Variants in NRG2 observed in about 807,000 individuals in gnomAD.
The protein encoded by NRG2 is pro-neuregulin-2, membrane-bound isoform.
NRG2 carries 27 observed loss-of-function variants against 73.9 expected under a neutral mutation model. The ratio of observed to expected loss-of-function variants is 0.37; its 90% CI spans 0.27 to 0.50. NRG2 has a LOEUF of 0.50. NRG2 is among the 20% of genes least tolerant of loss of function. The pLI, the probability that NRG2 is intolerant of heterozygous loss-of-function variation, is 0.96. For missense variants in NRG2, 1,126 were observed against 1,210.1 expected (o/e 0.93, Z 1.03); for synonymous variants, 532 against 541.0 (o/e 0.98, Z 0.23).
chr5:139,995,712 C>G (rs1400621946), intron 1 of NRG2, among the ~76,000 whole-genome samples: 1 of 152,048 alleles, frequency 6.6e-6, no homozygotes, highest in African/African-American at 2.4e-5. Context: ...CATTCCAACT[C>G]TCTTATTGAA....
At chr5:139,929,279 A>C (rs550595057) in intron 1 of NRG2, among the ~76,000 whole-genome samples, 29 of 152,302 alleles carry the variant, frequency 1.9e-4, no homozygotes, top group African/African-American at 7.0e-4. Flanking sequence ...ACCTCATGCC[A>C]TATCTGCTAT....
intron 1 of NRG2, among the ~76,000 whole-genome samples, chr5:139,996,867 C>T (rs1434835886): frequency 6.6e-6 from 1 of 152,052 alleles, no homozygotes; most frequent in Non-Finnish European, 1.5e-5. Context: ...GACGTGGTGG[C>T]TCACGCCTAT....
At chr5:139,980,826 G>T (rs917207445) in intron 1 of NRG2, among the ~76,000 whole-genome samples, 2 of 152,150 alleles carry the variant, frequency 1.3e-5, no homozygotes, top group South Asian at 4.2e-4. Flanking sequence ...AGCTTGTCAG[G>T]CAACTCCCTT....
At chr5:139,987,308 C>T (rs987289424) in intron 1 of NRG2, among the ~76,000 whole-genome samples, 1 of 137,442 alleles carries the variant, frequency 7.3e-6, no homozygotes, top group Non-Finnish European at 1.5e-5. Flanking sequence ...GCGGAAGTTG[C>T]AGTGAGCTGA....
intron 1 of NRG2, among the ~76,000 whole-genome samples, chr5:139,917,438 G>A (rs1751341494): frequency 6.6e-6 from 1 of 152,094 alleles, no homozygotes; most frequent in African/African-American, 2.4e-5. Flanking sequence ...TTTTTGTAGA[G>A]ACAGGGTTTT....
In NRG2 at chr5:139,852,182, G is replaced by C. The variant is rs1034810073; in HGVS notation, c.1544+250C>G. Reference sequence around the variant, plus strand: ...CCCAGCCCCAGGGGCCAGTATGTGAGGGCCCTGACTATTTCCTGGTGCTCC... The same window carrying C: ...CCCAGCCCCAGGGGCCAGTATGTGACGGCCCTGACTATTTCCTGGTGCTCC... On this transcript the variant is annotated intron_variant, in intron 8 of 9. Coordinates refer to ENST00000361474, the MANE Select transcript of NRG2 (RefSeq NM_004883.3). This position sits in a 1 kb window ranked among gnomAD's most constrained non-coding sequence, Gnocchi z 4.4. Among the ~76,000 whole-genome samples the C allele has an allele frequency of 3.9e-5, 6 of 152,210 alleles. No homozygotes were observed. The highest frequency in any genetic ancestry group is 1.4e-4 in the African/African-American group (6 of 41,448).
rs998255560 is a variant in NRG2, at chr5:139,868,643, C to T, written c.1113-3018G>A. Among the ~76,000 whole-genome samples, 4 of 152,042 alleles carry T rather than the reference C, an allele frequency of 2.6e-5. No homozygotes were observed. Among genetic ancestry groups the T allele is most frequent in the African/African-American group, 4.8e-5 (2 of 41,402 alleles). ...GTCAGGACCTCTGCCTTCCCCTTTT[C>T]CCACCCCACCTCCCGGGCCTCAGTT... On this transcript the variant is annotated intron_variant, in intron 4 of 9. Transcript: ENST00000361474. The surrounding 1 kb of genome is among the most constrained non-coding windows in gnomAD (Gnocchi z 4.2).
chr5:139,910,001 G>T (rs931496324), intron 1 of NRG2, among the ~76,000 whole-genome samples: 1 of 152,230 alleles, frequency 6.6e-6, no homozygotes, highest in Non-Finnish European at 1.5e-5. Flanking sequence ...CCCTCAGTCA[G>T]TGCAGAGAAC....
At position 139,851,508 on chromosome 5, in the gene NRG2, T is replaced by C. The variant is rs558727600; in HGVS notation, c.1772+96A>G. ...CATATGAAAAATGGAGATGAGGCTC[T>C]TTGGAGTGTTTCTGAGGGGCCCTAA... On this transcript the variant is annotated intron_variant, in intron 9 of 9. Coordinates refer to ENST00000361474, the MANE Select transcript of NRG2 (RefSeq NM_004883.3). The surrounding 1 kb of genome is among the most constrained non-coding windows in gnomAD (Gnocchi z 4.2). 510 of 1,171,030 alleles carry C rather than the reference T, an allele frequency of 4.4e-4. 4 individuals carry two copies. Among genetic ancestry groups the C allele is most frequent in the South Asian group, 1.1e-3 (82 of 72,224 alleles). 72.5% of individuals were successfully genotyped at this position (1,171,030 alleles called of 1,614,324 possible). A position where few individuals can be genotyped will look rare whatever the true frequency, so the allele number is the denominator to read the frequency against.
At chr5:139,956,805 C>G (rs907510318) in intron 1 of NRG2, among the ~76,000 whole-genome samples, 1 of 152,186 alleles carries the variant, frequency 6.6e-6, no homozygotes, top group South Asian at 2.1e-4. Flanking sequence ...TTTCAGTGCC[C>G]GACAAAGGGT....
intron 5 of NRG2, among the ~76,000 whole-genome samples, chr5:139,858,401 C>T (rs539118707): frequency 1.3e-5 from 2 of 152,310 alleles, no homozygotes; most frequent in East Asian, 1.9e-4. Context: ...CTGACCACTT[C>T]GCTACACTAG....
intron 1 of NRG2, among the ~76,000 whole-genome samples, chr5:140,017,391 C>T (rs1284991512): frequency 6.6e-6 from 1 of 152,094 alleles, no homozygotes; most frequent in South Asian, 2.1e-4. Flanking sequence ...AGGTCTCCAA[C>T]TACAGACCTC....
intron 1 of NRG2, among the ~76,000 whole-genome samples, chr5:139,908,676 T>C (rs1185140881): frequency 6.6e-6 from 1 of 152,158 alleles, no homozygotes; most frequent in Non-Finnish European, 1.5e-5. Flanking sequence ...CTCTATGGTG[T>C]TGCTCAAGAA....
intron 1 of NRG2, among the ~76,000 whole-genome samples, chr5:139,946,620 G>A (rs1220024222): frequency 1.3e-5 from 2 of 151,926 alleles, no homozygotes; most frequent in Non-Finnish European, 2.9e-5. Context: ...TAGATAAATT[G>A]GACTTCCTCA....
chr5:139,927,831 T>TC (rs1752180699), intron 1 of NRG2, among the ~76,000 whole-genome samples: 1 of 150,180 alleles, frequency 6.7e-6, no homozygotes, highest in Non-Finnish European at 1.5e-5. Flanking sequence ...CACTCTCTGG[T>TC]CCCCTCTACC....
At chr5:139,963,834 T>G (rs1015429722) in intron 1 of NRG2, among the ~76,000 whole-genome samples, 1 of 152,186 alleles carries the variant, frequency 6.6e-6, no homozygotes, top group Non-Finnish European at 1.5e-5. Flanking sequence ...CACCCCAGCA[T>G]GCAGAACCTC....
At chr5:139,922,169 G>T (rs1394488283) in intron 1 of NRG2, among the ~76,000 whole-genome samples, 1 of 151,422 alleles carries the variant, frequency 6.6e-6, no homozygotes, top group African/African-American at 2.4e-5. Context: ...TATTTGCAAA[G>T]GACACATCTA....
In NRG2 at chr5:140,041,041, G is replaced by T. The variant is rs76991864; in HGVS notation, c.700+1329C>A. ...AACTCCTAAAATTTGCCTCCTGAAG[G>T]GGGTGGGGGAGGAAAGCTTCCAAAA... is the stretch of plus-strand genomic sequence containing the variant. On this transcript the variant is annotated intron_variant, in intron 1 of 9. Coordinates refer to ENST00000361474, the MANE Select transcript of NRG2 (RefSeq NM_004883.3). Among the ~76,000 whole-genome samples, 943 of 152,230 alleles carry T rather than the reference G, an allele frequency of 6.2e-3. 11 individuals carry two copies. Among genetic ancestry groups the T allele is most frequent in the African/African-American group, 0.022 (900 of 41,534 alleles).
At chr5:140,032,182 A>C (rs1287585371) in intron 1 of NRG2, among the ~76,000 whole-genome samples, 1 of 152,208 alleles carries the variant, frequency 6.6e-6, no homozygotes, top group Non-Finnish European at 1.5e-5. Context: ...AACAGGCCAG[A>C]TTAAGAGTGT....
Sources: gnomAD v4.1 joint callset for allele counts (sites outside exome capture counted in the v4.1 genomes callset) on GRCh38, gnomAD v4.1.1 for gene constraint, Gnocchi (gnomAD v3.1) non-coding constraint, MANE v1.5 for transcripts, NCBI Gene and HGNC (gene_info 2026-07-23, HGNC 2026-07-21) for gene names.